The following PSMD14 variants were observed in gnomAD, a reference collection of about 807,000 sequenced individuals.
PSMD14 encodes ubiquitin C-terminal hydrolase PSMD14.
A neutral mutation model predicts 41.2 loss-of-function variants in PSMD14; 7 were observed. The ratio of observed to expected loss-of-function variants is 0.17; its 90% CI spans 0.10 to 0.32. The LOEUF is 0.32. PSMD14 is among the 10% of genes least tolerant of loss of function. The probability of loss-of-function intolerance (pLI) is 1.00; values close to 1 mark genes in which losing one functional copy is unlikely to be tolerated. For synonymous variants in PSMD14, 114 were observed against 122.3 expected (o/e 0.93, Z 0.45); for missense variants, 139 against 375.6 (o/e 0.37, Z 5.21).
At chr2:161,370,033 C>T in intron 5 of PSMD14, 74 bp from the exon 6 acceptor site, 1 of 1,161,236 alleles carries the variant, frequency 8.6e-7, no homozygotes, top group Non-Finnish European at 1.2e-6. Flanking sequence ...TTTGGCAACC[C>T]CAAATAATAT....
chr2:161,406,695 T>G (rs1307886730), intron 10 of PSMD14, among the ~76,000 whole-genome samples: 1 of 152,174 alleles, frequency 6.6e-6, no homozygotes, highest in African/African-American at 2.4e-5. Flanking sequence ...GCAACCTTAG[T>G]ATATGCCTAA....
chr2:161,383,474 A>G (rs972902129), intron 7 of PSMD14: 1 of 151,742 alleles, frequency 6.6e-6, no homozygotes, highest in East Asian at 1.9e-4. Context: ...ACAGATCATG[A>G]TATCTACTGA....
chr2:161,345,940 G>A (rs1486198919), intron 3 of PSMD14, among the ~76,000 whole-genome samples: 1 of 152,038 alleles, frequency 6.6e-6, no homozygotes, highest in Non-Finnish European at 1.5e-5. Context: ...CACCCAGGCT[G>A]GAGTACAGTG....
chr2:161,315,570 G>A (rs1689137900), intron 1 of PSMD14, among the ~76,000 whole-genome samples: 2 of 152,082 alleles, frequency 1.3e-5, no homozygotes, highest in Non-Finnish European at 2.9e-5. Flanking sequence ...AAAAATGGAA[G>A]GATGATGTAA....
intron 10 of PSMD14, chr2:161,407,482 A>G (rs912746350): frequency 9.9e-5 from 15 of 152,192 alleles, no homozygotes; most frequent in African/African-American, 3.4e-4. Flanking sequence ...CTCTTTAGGC[A>G]GGTTCTACTG....
At chr2:161,407,990 A>T (rs1683975309) in intron 10 of PSMD14, 1 of 152,058 alleles carries the variant, frequency 6.6e-6, no homozygotes, top group Admixed American at 6.5e-5. Context: ...TGGTGCCATT[A>T]TTGGGAGAGG....
intron 3 of PSMD14, among the ~76,000 whole-genome samples, chr2:161,329,001 C>G (rs1682745679): frequency 6.6e-6 from 1 of 152,000 alleles, no homozygotes; most frequent in East Asian, 1.9e-4. Flanking sequence ...TTTTTTAATG[C>G]CTTACCTAGG....
intron 3 of PSMD14, among the ~76,000 whole-genome samples, chr2:161,344,821 T>G (rs978497378): frequency 6.6e-6 from 1 of 152,224 alleles, no homozygotes; most frequent in Non-Finnish European, 1.5e-5. Flanking sequence ...TTTTCAGATA[T>G]TATCTCTCAG....
At chr2:161,339,034 A>G (rs1396145826) in intron 3 of PSMD14, among the ~76,000 whole-genome samples, 3 of 152,186 alleles carry the variant, frequency 2.0e-5, no homozygotes, top group Non-Finnish European at 4.4e-5. Flanking sequence ...TTGTTTATCC[A>G]TTAACTTGTT....
intron 3 of PSMD14, among the ~76,000 whole-genome samples, chr2:161,345,466 C>A (rs1328031687): frequency 6.6e-6 from 1 of 151,912 alleles, no homozygotes; most frequent in Non-Finnish European, 1.5e-5. Context: ...TGGTCTCAAA[C>A]TCCTGACCTC....
At chr2:161,328,458 T>C (rs1477020789) in intron 3 of PSMD14, among the ~76,000 whole-genome samples, 1 of 152,112 alleles carries the variant, frequency 6.6e-6, no homozygotes, top group Non-Finnish European at 1.5e-5. Context: ...ATATAACTCC[T>C]GAGTAAAAAT....
chr2:161,318,385 C>G (rs931545021), intron 2 of PSMD14, among the ~76,000 whole-genome samples: 17 of 152,118 alleles, frequency 1.1e-4, no homozygotes, highest in African/African-American at 4.1e-4. Context: ...TAGCACAGAA[C>G]TTACTAATGA....
At chr2:161,316,173 G>T (rs1208280998) in intron 1 of PSMD14, among the ~76,000 whole-genome samples, 2 of 152,190 alleles carry the variant, frequency 1.3e-5, no homozygotes, top group African/African-American at 4.8e-5. Flanking sequence ...TGTCTGGAAA[G>T]ACTAAAAGTT....
chr2:161,352,574 A>G (rs1683135074), intron 3 of PSMD14, among the ~76,000 whole-genome samples: 1 of 152,128 alleles, frequency 6.6e-6, no homozygotes, highest in Non-Finnish European at 1.5e-5. Context: ...GACCACATCT[A>G]ACTGGTTTGT....
chr2:161,375,207 T>A (rs1473499138), intron 7 of PSMD14, among the ~76,000 whole-genome samples: 1 of 152,052 alleles, frequency 6.6e-6, no homozygotes, highest in Non-Finnish European at 1.5e-5. Context: ...ATGGTCTTTG[T>A]GTTCTTTGAG....
Position 161,395,077 on chromosome 2 carries a change from G to T in PSMD14, c.646-1G>T. Reference sequence around the variant, plus strand: ...GAATTACTTTTTCTTTTATTTTTTAGATGTTGCTAAATTTGCATAAGAAGA... The same window carrying T: ...GAATTACTTTTTCTTTTATTTTTTATATGTTGCTAAATTTGCATAAGAAGA... On this transcript the variant is annotated splice_acceptor_variant, in intron 9 of 11. Transcript: ENST00000409682. LOFTEE classifies it high-confidence loss of function. The T allele has an allele frequency of 6.3e-7, 1 of 1,576,998 alleles. No individual in the cohort carries two copies. Among genetic ancestry groups the T allele is most frequent in the Non-Finnish European group, 8.6e-7 (1 of 1,165,714 alleles).
chr2:161,390,964 T>C lies in PSMD14; in HGVS notation c.571-140T>C, dbSNP rs866488819. 7.3e-6 allele frequency: 6 copies of C among 826,680 alleles called. No homozygotes were observed. The South Asian group carries it at 2.5e-4, about 35-fold the overall frequency. 51.2% of individuals were successfully genotyped at this position (826,680 alleles called of 1,614,324 possible). ...TTGTAGCTAAGAAGAATACTTTAATTTCATCTTAATTTACTTGAAATAAAA... is the reference window on the plus strand; with the variant it reads ...TTGTAGCTAAGAAGAATACTTTAATCTCATCTTAATTTACTTGAAATAAAA... On this transcript the variant is annotated intron_variant, in intron 8 of 11. Transcript: ENST00000409682.
intron 3 of PSMD14, among the ~76,000 whole-genome samples, chr2:161,363,691 A>G (rs1336525732): frequency 6.6e-6 from 1 of 152,052 alleles, no homozygotes; most frequent in Non-Finnish European, 1.5e-5. Context: ...GTCATCTTTG[A>G]TCTGTAGCTG....
At chr2:161,322,122 A>G (rs1230028879) in intron 3 of PSMD14, among the ~76,000 whole-genome samples, 1 of 152,212 alleles carries the variant, frequency 6.6e-6, no homozygotes, top group Non-Finnish European at 1.5e-5. Context: ...GCATAACAAA[A>G]GAAACTCCAA....
Sources: allele counts gnomAD v4.1 joint callset (sites outside exome capture counted in the v4.1 genomes callset), GRCh38; gene constraint gnomAD v4.1.1; transcripts MANE v1.5; gene names NCBI Gene and HGNC (gene_info 2026-07-23, HGNC 2026-07-21).